The following PAX5 variants were observed in gnomAD, a reference collection of about 807,000 sequenced individuals.
PAX5 encodes paired box protein Pax-5.
Under a neutral mutation model 43.7 loss-of-function variants are expected in PAX5, and 9 were observed. That is an observed-to-expected ratio of 0.21 (90% confidence interval 0.12 to 0.36). PAX5 has a LOEUF of 0.36. Ranked by LOEUF, PAX5 falls within the 10% of genes least tolerant of loss-of-function variation. PAX5 has a pLI of 1.00. For synonymous variants in PAX5, 228 were observed against 214.3 expected (o/e 1.06, Z -0.56); for missense variants, 383 against 532.7 (o/e 0.72, Z 2.77).
chr9:36,874,034 A>G (rs1403286860), intron 8 of PAX5, among the ~76,000 whole-genome samples: 1 of 152,208 alleles, frequency 6.6e-6, no homozygotes, highest in African/African-American at 2.4e-5. Context: ...TGCTTTGCAC[A>G]GAGCAGGCCT....
At chr9:36,879,983 C>T (rs1826259592) in intron 8 of PAX5, among the ~76,000 whole-genome samples, 1 of 152,238 alleles carries the variant, frequency 6.6e-6, no homozygotes, top group Non-Finnish European at 1.5e-5. Context: ...ATTGGCAAGG[C>T]CCAGGACAAG....
At chr9:36,904,090 C>T (rs757844294) in intron 7 of PAX5, among the ~76,000 whole-genome samples, 20 of 152,224 alleles carry the variant, frequency 1.3e-4, no homozygotes, top group Non-Finnish European at 2.6e-4. Flanking sequence ...AGAAGAGTGA[C>T]TCCCACAAAG....
intron 5 of PAX5, among the ~76,000 whole-genome samples, chr9:36,976,762 C>T (rs1564030424): frequency 6.6e-6 from 1 of 152,160 alleles, no homozygotes; most frequent in Admixed American, 6.5e-5. Context: ...AGAGTGAATC[C>T]GATTGTGCCG....
chr9:37,022,552 C>G (rs1024905686), intron 1 of PAX5, among the ~76,000 whole-genome samples: 1 of 152,218 alleles, frequency 6.6e-6, no homozygotes, highest in Non-Finnish European at 1.5e-5. Context: ...TTTGATATGA[C>G]CTGGGAGTCC....
In PAX5 at chr9:36,949,943, T is replaced by C. The variant is rs1217615363; in HGVS notation, c.780+16606A>G. Among the ~76,000 whole-genome samples the C allele has an allele frequency of 2.0e-5, 3 of 152,302 alleles. No individual in the cohort carries two copies. The East Asian group carries it at 5.8e-4, about 29-fold the overall frequency. On this transcript the variant is annotated intron_variant, in intron 6 of 9. Transcript: ENST00000358127. ...CTCCCACCACGATCTTCACCTACCC[T>C]CGACCTCCCTAAGCGACACCTCTTT...
At chr9:36,863,741 C>CA (rs1824467561) in intron 8 of PAX5, among the ~76,000 whole-genome samples, 1 of 152,210 alleles carries the variant, frequency 6.6e-6, no homozygotes, top group Non-Finnish European at 1.5e-5. Flanking sequence ...ACATCAACAG[C>CA]AGCCTAATGG....
intron 6 of PAX5, among the ~76,000 whole-genome samples, chr9:36,963,853 T>C (rs536866468): frequency 1.6e-4 from 25 of 152,284 alleles, no homozygotes; most frequent in African/African-American, 6.0e-4. Context: ...TCCCCGCTCT[T>C]CCCTGTTCAC....
chr9:36,866,247 G>A (rs1472033365), intron 8 of PAX5, among the ~76,000 whole-genome samples: 4 of 152,192 alleles, frequency 2.6e-5, no homozygotes, highest in Admixed American at 2.6e-4. Context: ...TTGGGGTCGT[G>A]GTCAGATTTT....
chr9:37,025,792 G>A (rs1024213626), intron 1 of PAX5, among the ~76,000 whole-genome samples: 42 of 152,204 alleles, frequency 2.8e-4, no homozygotes, highest in Non-Finnish European at 5.6e-4. Context: ...AGGCGGGGGT[G>A]CCTGCGTGGT....
chr9:36,883,851 TAAAG>T (rs1410513203), intron 7 of PAX5, among the ~76,000 whole-genome samples: 1 of 151,960 alleles, frequency 6.6e-6, no homozygotes, highest in Non-Finnish European at 1.5e-5. Context: ...TTTAAAAACA[TAAAG>T]AAACACACTC....
rs1360676961 is a variant in PAX5 at position 36,834,012 on chromosome 9, T to C, written c.*6548A>G. ...CAAAGAATTAAAAGCAAAATGCATG[T>C]GTCTTCCTGGCAAAGGTTTCCATTT... On this transcript the variant is annotated 3_prime_UTR_variant, in exon 10 of 10. Coordinates refer to ENST00000358127, the MANE Select transcript of PAX5 (RefSeq NM_016734.3). 8.6e-6 allele frequency: 2 copies of C among 233,216 alleles called. No individual in the cohort carries two copies. The highest frequency in any genetic ancestry group is 1.7e-5 in the Non-Finnish European group (2 of 118,000). The allele number at this position is 233,216 out of a possible 1,614,324, so 14.4% of individuals were successfully genotyped here.
intron 5 of PAX5, among the ~76,000 whole-genome samples, chr9:36,979,484 C>T (rs535191818): frequency 7.2e-5 from 11 of 152,244 alleles, no homozygotes; most frequent in South Asian, 6.2e-4. Flanking sequence ...AGGATAACAG[C>T]GACAAAATGA....
chr9:36,860,327 A>ACT (rs200676223), intron 8 of PAX5, among the ~76,000 whole-genome samples: 1,524 of 152,180 alleles, frequency 0.01, 24 homozygotes, highest in African/African-American at 0.035. Context: ...ACAGAGCAAG[A>ACT]CTGTCTCAAA....
chr9:36,994,676 C>T (rs1837238458), intron 5 of PAX5, among the ~76,000 whole-genome samples: 3 of 152,270 alleles, frequency 2.0e-5, no homozygotes, highest in South Asian at 4.1e-4. Flanking sequence ...GCAACTTGAG[C>T]GGGGAGCGCA....
rs1830342991 is a variant in PAX5, at chr9:36,923,393, C to T, written c.872G>A (p.Ser291Asn). ...LASPTPADIGSSVPGPQSYPI... is the reference protein window; with the variant it reads ...LASPTPADIGNSVPGPQSYPI... ...GTAGGACTGCGGGCCTGGCACACTGCTCCCGATGTCAGCAGGGGTGGGGCT... is the reference window on the plus strand; with the variant it reads ...GTAGGACTGCGGGCCTGGCACACTGTTCCCGATGTCAGCAGGGGTGGGGCT... Residue 291 changes from serine (S) to asparagine (N), a missense_variant, in exon 7 of 10, where the codon AGC (serine) becomes AAC (asparagine). Transcript: ENST00000358127. The T allele has an allele frequency of 6.2e-7, 1 of 1,613,384 alleles. No homozygotes were observed. Among genetic ancestry groups the T allele is most frequent in the East Asian group, 2.2e-5 (1 of 44,880 alleles).
chr9:36,985,065 C>A (rs535955832), intron 5 of PAX5, among the ~76,000 whole-genome samples: 4 of 152,322 alleles, frequency 2.6e-5, no homozygotes, highest in Non-Finnish European at 4.4e-5. Flanking sequence ...GCTCACACAG[C>A]AAACTAGTGT....
At chr9:36,840,740 T>A in intron 9 of PAX5, 104 bp from the exon 10 acceptor site, 1 of 688,840 alleles carries the variant, frequency 1.5e-6, no homozygotes, top group Non-Finnish European at 2.4e-6. Flanking sequence ...CGGGCCACCA[T>A]CCTCTCTCAC....
At chr9:37,001,014 C>T (rs1314365215) in intron 5 of PAX5, among the ~76,000 whole-genome samples, 1 of 152,216 alleles carries the variant, frequency 6.6e-6, no homozygotes, top group Non-Finnish European at 1.5e-5. Context: ...GTCACCGTCC[C>T]TCTTAAAGGT....
At chr9:36,981,188 C>CG (rs1242602699) in intron 5 of PAX5, among the ~76,000 whole-genome samples, 1 of 146,744 alleles carries the variant, frequency 6.8e-6, no homozygotes, top group African/African-American at 2.5e-5. Context: ...CAGCAAAGCC[C>CG]CCCCCCCCTC....
Sources: allele counts gnomAD v4.1 joint callset (sites outside exome capture counted in the v4.1 genomes callset), GRCh38; gene constraint gnomAD v4.1.1; transcripts MANE v1.5; gene names NCBI Gene and HGNC (gene_info 2026-07-23, HGNC 2026-07-21).